Variants in KRT1 observed in about 807,000 individuals in gnomAD.
The protein encoded by KRT1 is keratin 1.
Under a neutral mutation model 51.6 loss-of-function variants are expected in KRT1, and 28 were observed. The ratio of observed to expected loss-of-function variants is 0.54; its 90% CI spans 0.40 to 0.74. The LOEUF (loss-of-function observed/expected upper bound fraction) is 0.74. KRT1 is among the 30% of genes least tolerant of loss of function. The pLI is 0.00. For synonymous variants in KRT1, 301 were observed against 307.7 expected (o/e 0.98, Z 0.23); for missense variants, 783 against 815.5 (o/e 0.96, Z 0.49).
Position 52,677,200 on chromosome 12 carries a change from A to G in KRT1, c.1129-16T>C. The stretch of plus-strand genomic sequence containing the variant: ...GCTCTTCATACTAAAGATGGTAGAT[A>G]GCGTTTGTTAAATGTAGGCAGAACT... On this transcript the variant is annotated splice_polypyrimidine_tract_variant and intron_variant, in intron 5 of 8. Transcript: ENST00000252244. 1 of 1,614,222 alleles carries G rather than the reference A, an allele frequency of 6.2e-7. No homozygotes were observed. Among genetic ancestry groups the G allele is most frequent in the Non-Finnish European group, 8.5e-7 (1 of 1,180,050 alleles).
intron 5 of KRT1, 46 bp from the exon 6 acceptor site, chr12:52,677,230 A>G: frequency 6.2e-7 from 1 of 1,614,232 alleles, no homozygotes; most frequent in Non-Finnish European, 8.5e-7. Context: ...AGAACTCAGC[A>G]TGGCACAGGC....
rs758512881 is a variant in KRT1, at chr12:52,679,950, GCCACCTCCACCAAAA to G, written c.384_398del (p.Phe134_Gly138del). ...CACCCCCATATCCACCACCCCCAAA[GCCACCTCCACCAAAA>G]CCACCACCACCACTGCCAAAACCAC... On this transcript the variant is annotated inframe_deletion, in exon 1 of 9. Coordinates refer to ENST00000252244, the MANE Select transcript of KRT1 (RefSeq NM_006121.4). 4.3e-6 allele frequency: 7 copies of G among 1,611,652 alleles called. No individual in the cohort carries two copies. In the African/African-American group the frequency reaches 8.1e-5, roughly 19 times the overall value.
At chr12:52,678,336 C>T in intron 2 of KRT1, 113 bp from the exon 3 acceptor site, 1 of 1,119,242 alleles carries the variant, frequency 8.9e-7, no homozygotes, top group Non-Finnish European at 1.3e-6. Context: ...GAACCTAGGA[C>T]ATATTGGCCA....
chr12:52,678,844 A>G (rs766191166), intron 1 of KRT1, 88 bp from the exon 2 acceptor site: 14 of 1,116,350 alleles, frequency 1.3e-5, no homozygotes, highest in South Asian at 9.1e-5. Flanking sequence ...AAGAACCTCA[A>G]TTCCTATCTT....
Position 52,675,220 on chromosome 12 carries a change from A to G in KRT1, c.1908T>C (p.Ser636=). The G allele has an allele frequency of 6.2e-7, 1 of 1,613,876 alleles. No homozygotes were observed. The change falls in exon 9 of 9, where the codon TCT becomes TCC. Residue 636 remains serine (S), a synonymous_variant. Transcript: ENST00000252244. ...ATCTGGTTACTCCGGAATAAGTGGT[A>G]GAAACAAACTTCACGCTGGAACTGC... ...SGGSSSVKFV[S]TTYSGVTR
chr12:52,678,602 T>C lies in KRT1; in HGVS notation c.746A>G (p.Gln249Arg), dbSNP rs1490274816. The C allele has an allele frequency of 2.5e-6, 4 of 1,614,236 alleles. No homozygotes were observed. Among genetic ancestry groups the C allele is most frequent in the Non-Finnish European group, 3.4e-6 (4 of 1,180,046 alleles). The change falls in exon 2 of 9, where the codon CAA becomes CGA. Residue 249 changes from glutamine (Q) to arginine (R), a missense_variant. Coordinates refer to ENST00000252244, the MANE Select transcript of KRT1 (RefSeq NM_006121.4). ...RRRVDQLKSD[Q>R]SRLDSELKNM... ...CTTCAGTTCCGAATCCAACCGAGAT[T>C]GATCACTCTTCAGTTGGTCCACTCT...
Position 52,679,977 on chromosome 12 carries a change from A to G in KRT1, c.372T>C (p.Ser124=). The change falls in exon 1 of 9, where the codon AGT becomes AGC. Residue 124 remains serine, a synonymous_variant. Transcript: ENST00000252244. ...CACCTCCACCAAAACCACCACCACC[A>G]CTGCCAAAACCACCAAAGCCACCAC... ...IGGGGFGGFG[S]GGGGFGGGGF... The G allele has an allele frequency of 3.7e-6, 6 of 1,607,206 alleles. No individual in the cohort carries two copies. In the South Asian group the frequency reaches 6.6e-5, roughly 18 times the overall value.
chr12:52,677,595 T>A, intron 4 of KRT1, 55 bp downstream of exon 4: 1 of 1,605,714 alleles, frequency 6.2e-7, no homozygotes, highest in East Asian at 2.2e-5. Context: ...TCGTTGTGGG[T>A]TCAGGCTTAA....
chr12:52,677,885 CTAACTG>C (rs1941535114), intron 3 of KRT1, 140 bp from the exon 4 acceptor site: 1 of 789,118 alleles, frequency 1.3e-6, no homozygotes, highest in Admixed American at 2.0e-5. Context: ...TCACAGTTCC[CTAACTG>C]TCCCACCCCC....
chr12:52,675,357 A>T lies in KRT1; in HGVS notation c.1771T>A (p.Ser591Thr). The change falls in exon 9 of 9, where the codon TCT (serine) becomes ACT (threonine). Residue 591 changes from serine (S) to threonine (T), a missense_variant. Ser to Thr is a moderately conservative substitution (Grantham distance 58). Coordinates refer to ENST00000252244, the MANE Select transcript of KRT1 (RefSeq NM_006121.4). ...GAGCTGCCGCCGCCGCCGCCTCCAGAGCCACCTCTGTAGCCCCCACTGCTG... is the reference window on the plus strand; with the variant it reads ...GAGCTGCCGCCGCCGCCGCCTCCAGTGCCACCTCTGTAGCCCCCACTGCTG... ...GSSSGGYRGG[S>T]GGGGGGSSGG... The T allele has an allele frequency of 6.2e-7, 1 of 1,609,290 alleles. No homozygotes were observed. Among genetic ancestry groups the T allele is most frequent in the South Asian group, 1.1e-5 (1 of 90,876 alleles).
chr12:52,676,168 C>T (rs973065292), intron 7 of KRT1, 107 bp downstream of exon 7: 2 of 952,850 alleles, frequency 2.1e-6, no homozygotes, highest in African/African-American at 3.2e-5. Context: ...TTCATTTCCC[C>T]ATACCCAGCA....
intron 5 of KRT1, 52 bp from the exon 6 acceptor site, chr12:52,677,236 C>A: frequency 1.2e-6 from 2 of 1,614,186 alleles, no homozygotes; most frequent in South Asian, 2.2e-5. Flanking sequence ...CAGCATGGCA[C>A]AGGCACACAT....
chr12:52,678,202 C>A lies in KRT1; in HGVS notation c.828G>T (p.Lys276Asn). ...CAAATTCATTCTCTGCATTTGTCCGCTTGTTGATTTCATCCTCATACCTGC... is the reference window on the plus strand; with the variant it reads ...CAAATTCATTCTCTGCATTTGTCCGATTGTTGATTTCATCCTCATACCTGC... ...YRNKYEDEINKRTNAENEFVT... is the reference protein window; with the variant it reads ...YRNKYEDEINNRTNAENEFVT... The change falls in exon 3 of 9, where the codon AAG becomes AAT. Residue 276 changes from lysine to asparagine, a missense_variant. Coordinates refer to ENST00000252244, the MANE Select transcript of KRT1 (RefSeq NM_006121.4). The A allele has an allele frequency of 6.2e-7, 1 of 1,614,154 alleles. No homozygotes were observed. The highest frequency in any genetic ancestry group is 8.5e-7 in the Non-Finnish European group (1 of 1,180,040).
chr12:52,678,333 G>T, intron 2 of KRT1, 110 bp from the exon 3 acceptor site: 1 of 1,139,112 alleles, frequency 8.8e-7, no homozygotes, highest in Non-Finnish European at 1.3e-6. Flanking sequence ...TATGAACCTA[G>T]GACATATTGG....
At chr12:52,677,903 G>C (rs1045113139) in intron 3 of KRT1, among the ~76,000 whole-genome samples, 158 bp from the exon 4 acceptor site, 3 of 152,144 alleles carry the variant, frequency 2.0e-5, no homozygotes. Flanking sequence ...CCCACCCCCG[G>C]ATAGCACCAT....
In KRT1 at chr12:52,680,065, CCAT is replaced by C. The variant is rs759221049; in HGVS notation, c.281_283del (p.Tyr94_Gly95delinsCys). The stretch of plus-strand genomic sequence containing the variant: ...GCCACCACCACCAAAGCCACCACCA[CCAT>C]AACCACCACCAAAGCCACTACCACG... On this transcript the variant is annotated inframe_deletion, in exon 1 of 9. Transcript: ENST00000252244. The C allele has an allele frequency of 1.3e-6, 2 of 1,555,072 alleles. No individual in the cohort carries two copies. Among genetic ancestry groups the C allele is most frequent in the South Asian group, 2.4e-5 (2 of 84,906 alleles).
Position 52,675,505 on chromosome 12 carries a change from A to G in KRT1, c.1623T>C (p.Ser541=), listed in dbSNP as rs576516680. The G allele has an allele frequency of 1.3e-6, 2 of 1,554,274 alleles. No homozygotes were observed. Among genetic ancestry groups the G allele is most frequent in the African/African-American group, 2.7e-5 (2 of 73,356 alleles). ...SYGSGGGSYG[S]GGGGGGGRGS... ...CACGGCCGCCGCCGCCGCCACCTCC[A>G]GAACCATAGCTACCACCTCCGGAGC... The change falls in exon 9 of 9, where the codon TCT becomes TCC. Residue 541 remains serine, a synonymous_variant. Coordinates refer to ENST00000252244, the MANE Select transcript of KRT1 (RefSeq NM_006121.4).
chr12:52,677,316 CT>C lies in KRT1; in HGVS notation c.1127del (p.Lys376SerfsTer16). On this transcript the variant is annotated frameshift_variant and splice_region_variant, in exon 5 of 9. Transcript: ENST00000252244. LOFTEE classifies it high-confidence loss of function. ...KAEAESLYQS[K>X]YEELQITAGR... ...CTGGCTAGGCTTTCAGCCCACTCAC[CT>C]TGCTCTGGTACAAGGACTCGGCCTC... The C allele has an allele frequency of 6.2e-7, 1 of 1,614,226 alleles. No individual in the cohort carries two copies. Among genetic ancestry groups the C allele is most frequent in the Non-Finnish European group, 8.5e-7 (1 of 1,180,038 alleles).
chr12:52,675,438 CACCTCCGGAGCCGTAGCTGCT>C lies in KRT1; in HGVS notation c.1669_1689del (p.Ser557_Gly563del), dbSNP rs267607656. The C allele has an allele frequency of 0.46, 727,723 of 1,580,558 alleles. 169,537 individuals carry two copies. Among genetic ancestry groups the C allele is most frequent in the Non-Finnish European group, 0.47 (550,461 of 1,166,312 alleles). On this transcript the variant is annotated inframe_deletion, in exon 9 of 9. Coordinates refer to ENST00000252244, the MANE Select transcript of KRT1 (RefSeq NM_006121.4). ...CCGCCACCTCCAGAGCCATAGCTGCCACCTCCGGAGCCGTAGCTGCTACCTCCGGAGCCATAGCTGCCACGG... is the reference window on the plus strand; with the variant it reads ...CCGCCACCTCCAGAGCCATAGCTGCCACCTCCGGAGCCATAGCTGCCACGG...
Sources: allele counts gnomAD v4.1 joint callset (sites outside exome capture counted in the v4.1 genomes callset), GRCh38; gene constraint gnomAD v4.1.1; transcripts MANE v1.5; gene names NCBI Gene and HGNC (gene_info 2026-07-23, HGNC 2026-07-21).